SGCZ: variants seen among roughly 807,000 people sequenced by gnomAD.
The protein encoded by SGCZ is sarcoglycan zeta, also known as zeta-sarcoglycan.
Under a neutral mutation model 41.3 loss-of-function variants are expected in SGCZ, and 40 were observed. That is an observed-to-expected ratio of 0.97 (90% CI 0.75 to 1.26). The LOEUF is 1.26. Ranked by LOEUF, SGCZ falls within the 50% of genes most tolerant of loss-of-function variation. The pLI is 0.00. For synonymous variants in SGCZ, 206 were observed against 137.5 expected (o/e 1.50, Z -3.49); for missense variants, 552 against 369.8 (o/e 1.49, Z -4.04).
intron 4 of SGCZ, among the ~76,000 whole-genome samples, chr8:14,215,935 C>T (rs553547895): frequency 2.6e-5 from 4 of 152,346 alleles, no homozygotes; most frequent in East Asian, 1.9e-4. Flanking sequence ...CACAGGTACC[C>T]AGTGAAAGAG....
intron 1 of SGCZ, among the ~76,000 whole-genome samples, chr8:15,086,758 A>G (rs1443642931): frequency 6.6e-6 from 1 of 152,188 alleles, no homozygotes; most frequent in African/African-American, 2.4e-5. Flanking sequence ...TTTCAAATAT[A>G]AGGATTCTTT....
intron 1 of SGCZ, among the ~76,000 whole-genome samples, chr8:14,995,230 G>A (rs1275238283): frequency 6.6e-6 from 1 of 152,252 alleles, no homozygotes; most frequent in Non-Finnish European, 1.5e-5. Context: ...AGCTCACGCT[G>A]GTAGCTCTGT....
intron 3 of SGCZ, among the ~76,000 whole-genome samples, chr8:14,307,330 A>G (rs1440599030): frequency 3.3e-5 from 5 of 152,182 alleles, no homozygotes; most frequent in African/African-American, 1.2e-4. Context: ...CAGTTCAGCT[A>G]CACAAAGTAA....
At chr8:14,485,453 G>T (rs1352150788) in intron 2 of SGCZ, among the ~76,000 whole-genome samples, 2 of 152,042 alleles carry the variant, frequency 1.3e-5, no homozygotes, top group Non-Finnish European at 2.9e-5. Flanking sequence ...AGCCAGGATG[G>T]TCTTGATCTC....
intron 1 of SGCZ, among the ~76,000 whole-genome samples, chr8:14,710,040 G>A (rs944386205): frequency 2.0e-5 from 3 of 152,108 alleles, no homozygotes; most frequent in Admixed American, 1.3e-4. Context: ...ACAAGTCAGA[G>A]AGCAATTCTC....
At chr8:15,009,208 A>C (rs1802731933) in intron 1 of SGCZ, among the ~76,000 whole-genome samples, 1 of 84,270 alleles carries the variant, frequency 1.2e-5, no homozygotes, top group East Asian at 2.8e-4. Context: ...GAGCCTCAGG[A>C]AATTTAATTA....
chr8:14,294,374 T>C (rs760077212), intron 3 of SGCZ, among the ~76,000 whole-genome samples: 10 of 151,798 alleles, frequency 6.6e-5, no homozygotes, highest in Non-Finnish European at 1.2e-4. Context: ...AGAGTTGGAA[T>C]TGCAAGGCAA....
intron 5 of SGCZ, among the ~76,000 whole-genome samples, chr8:14,126,424 G>T (rs1802861573): frequency 6.6e-6 from 1 of 151,904 alleles, no homozygotes; most frequent in Non-Finnish European, 1.5e-5. Context: ...AAACCACAGT[G>T]AGATACCATA....
intron 2 of SGCZ, among the ~76,000 whole-genome samples, chr8:14,523,712 T>C (rs1321560887): frequency 2.6e-5 from 4 of 152,128 alleles, no homozygotes; most frequent in African/African-American, 9.6e-5. Context: ...TATATGTTTT[T>C]TGTTTGTTTT....
chr8:14,191,355 T>C (rs1315224101), intron 4 of SGCZ, among the ~76,000 whole-genome samples: 3 of 152,222 alleles, frequency 2.0e-5, no homozygotes, highest in East Asian at 1.9e-4. Flanking sequence ...ACCTCACTTA[T>C]TTTTGCTTCT....
intron 1 of SGCZ, among the ~76,000 whole-genome samples, chr8:15,106,695 G>C (rs1339223317): frequency 6.6e-6 from 1 of 151,894 alleles, no homozygotes; most frequent in Non-Finnish European, 1.5e-5. Flanking sequence ...TAATCCAATA[G>C]TTTCTATTAA....
At chr8:14,474,697 AC>A (rs769449772) in intron 2 of SGCZ, among the ~76,000 whole-genome samples, 5 of 152,218 alleles carry the variant, frequency 3.3e-5, no homozygotes, top group Non-Finnish European at 5.9e-5. Flanking sequence ...CAACTTTGAA[AC>A]CATACTCAAA....
chr8:14,640,410 C>G (rs1428435003), intron 1 of SGCZ, among the ~76,000 whole-genome samples: 2 of 151,682 alleles, frequency 1.3e-5, no homozygotes, highest in Non-Finnish European at 3.0e-5. Flanking sequence ...GAAGTCTACT[C>G]TCAGTCTAAA....
At chr8:15,150,488 T>G (rs1471940782) in intron 1 of SGCZ, among the ~76,000 whole-genome samples, 1 of 152,106 alleles carries the variant, frequency 6.6e-6, no homozygotes, top group Non-Finnish European at 1.5e-5. Context: ...TCTGGAACCC[T>G]CCCAAACCTA....
At chr8:14,128,626 T>G (rs1802938706) in intron 5 of SGCZ, among the ~76,000 whole-genome samples, 1 of 152,134 alleles carries the variant, frequency 6.6e-6, no homozygotes, top group Admixed American at 6.5e-5. Context: ...CTATTCACAA[T>G]ATCAAAATCA....
At chr8:14,121,390 A>C (rs111564080) in intron 5 of SGCZ, among the ~76,000 whole-genome samples, 3,322 of 152,232 alleles carry the variant, frequency 0.022, 150 homozygotes, top group African/African-American at 0.077. Flanking sequence ...AAAAGTGACT[A>C]ATTTTGTGAA....
chr8:14,955,954 T>C (rs576979386), intron 1 of SGCZ, among the ~76,000 whole-genome samples: 1 of 152,116 alleles, frequency 6.6e-6, no homozygotes, highest in Non-Finnish European at 1.5e-5. Context: ...TCTCTAAAAC[T>C]TTATAATTTT....
intron 1 of SGCZ, among the ~76,000 whole-genome samples, chr8:14,567,968 G>A (rs1804429821): frequency 6.6e-6 from 1 of 152,172 alleles, no homozygotes; most frequent in South Asian, 2.1e-4. Flanking sequence ...AACGCTCACC[G>A]CGAGGGTCCG....
intron 1 of SGCZ, among the ~76,000 whole-genome samples, chr8:15,183,439 A>G (rs1563170727): frequency 6.6e-6 from 1 of 152,196 alleles, no homozygotes; most frequent in Non-Finnish European, 1.5e-5. Flanking sequence ...ACCATGGTAT[A>G]TGTGGTCCAT....
Sources: gnomAD v4.1 joint callset for allele counts (sites outside exome capture counted in the v4.1 genomes callset) on GRCh38, gnomAD v4.1.1 for gene constraint, MANE v1.5 for transcripts, NCBI Gene and HGNC (gene_info 2026-07-23, HGNC 2026-07-21) for gene names.